IFT43: variants seen among roughly 807,000 people sequenced by gnomAD.
IFT43 encodes intraflagellar transport protein 43 homolog.
IFT43 carries 33 observed loss-of-function variants against 32.3 expected under a neutral mutation model. That is an observed-to-expected ratio of 1.02 (90% CI 0.77 to 1.37). The LOEUF (loss-of-function observed/expected upper bound fraction) is 1.37, where lower values mean the gene tolerates loss of function less well. Among genes scored for constraint, IFT43 ranks in the 40% most tolerant of loss-of-function variants. The pLI is 0.00. For missense variants in IFT43, 274 were observed against 265.9 expected, an observed-to-expected ratio of 1.03 and a Z score of -0.21; for synonymous variants, 93 against 98.2, an observed-to-expected ratio of 0.95 and a Z score of 0.31.
At chr14:76,075,304 A>G (rs1344184139) in intron 5 of IFT43, among the ~76,000 whole-genome samples, 1 of 152,164 alleles carries the variant, frequency 6.6e-6, no homozygotes, top group African/African-American at 2.4e-5. Flanking sequence ...ATCACAAGGG[A>G]CACATCTTCA....
chr14:76,077,544 G>C (rs2037433049), intron 5 of IFT43, among the ~76,000 whole-genome samples: 2 of 152,154 alleles, frequency 1.3e-5, no homozygotes, highest in African/African-American at 4.8e-5. Flanking sequence ...CCATCCAGGG[G>C]GCAGACTTGG....
At chr14:76,028,687 A>G (rs1227850538) in intron 3 of IFT43, among the ~76,000 whole-genome samples, 3 of 152,142 alleles carry the variant, frequency 2.0e-5, no homozygotes, top group East Asian at 1.9e-4. Context: ...TTTAGCTCCT[A>G]CTTATAAGTG....
intron 3 of IFT43, among the ~76,000 whole-genome samples, chr14:76,036,179 A>G (rs1009144947): frequency 6.6e-6 from 1 of 152,206 alleles, no homozygotes; most frequent in Non-Finnish European, 1.5e-5. Flanking sequence ...ATTAGGATGC[A>G]TATCAAAATT....
chr14:76,055,246 T>A (rs990995781), intron 3 of IFT43, among the ~76,000 whole-genome samples: 2 of 151,626 alleles, frequency 1.3e-5, no homozygotes, highest in Non-Finnish European at 2.9e-5. Context: ...CTCAGGAGGC[T>A]GAGGTGGGAG....
At chr14:76,064,635 G>C (rs931935686) in intron 5 of IFT43, among the ~76,000 whole-genome samples, 1 of 152,202 alleles carries the variant, frequency 6.6e-6, no homozygotes. Flanking sequence ...TAAAGGGCAA[G>C]TTATTTCCTG....
At position 76,054,076 on chromosome 14, in the gene IFT43, A is replaced by G. The variant is rs1046495158; in HGVS notation, c.216-4566A>G. On this transcript the variant is annotated intron_variant, in intron 3 of 8. Coordinates refer to ENST00000314067, the MANE Select transcript of IFT43 (RefSeq NM_001102564.3). ...TAAGTTTCAGTTTTGCTGCTTAGCAACTGGAGTATTCAGCTGAATGTCTCA... is the reference window on the plus strand; with the variant it reads ...TAAGTTTCAGTTTTGCTGCTTAGCAGCTGGAGTATTCAGCTGAATGTCTCA... 2.0e-5 allele frequency among the ~76,000 whole-genome samples: 3 copies of G among 152,184 alleles called. No homozygotes were observed. In the East Asian group the frequency reaches 5.8e-4, roughly 29 times the overall value.
intron 2 of IFT43, among the ~76,000 whole-genome samples, chr14:76,015,448 T>G (rs1464632602): frequency 2.0e-5 from 3 of 152,210 alleles, no homozygotes; most frequent in African/African-American, 7.2e-5. Context: ...GGGATTTCTT[T>G]GCAATTTTTT....
At position 76,082,370 on chromosome 14, in the gene IFT43, A is replaced by G; in HGVS notation, c.368+3A>G. ...TTGCAGGTGGCAGCCCCTCCCAGGT[A>G]GGTTAAATCAGATATGATTGGGGAG... On this transcript the variant is annotated splice_donor_region_variant and intron_variant, in intron 6 of 8. Transcript: ENST00000314067. 1 of 1,568,086 alleles carries G rather than the reference A, an allele frequency of 6.4e-7. No individual in the cohort carries two copies. The highest frequency in any genetic ancestry group is 1.1e-5 in the South Asian group (1 of 90,120).
intron 5 of IFT43, among the ~76,000 whole-genome samples, chr14:76,064,769 C>A (rs1594857853): frequency 6.6e-6 from 1 of 152,158 alleles, no homozygotes; most frequent in Admixed American, 6.5e-5. Context: ...TTTTAGAGTT[C>A]TTTGGCAGAA....
rs117662579 is a variant in IFT43 at position 76,076,203 on chromosome 14, A to C, written c.296-6092A>C. ...TTGCCTTTGGAAGCTCACTGAGTAA[A>C]TGGAGTGGGGTGGTGTCATCATTAA... On this transcript the variant is annotated intron_variant, in intron 5 of 8. Transcript: ENST00000314067. 3.3e-3 allele frequency among the ~76,000 whole-genome samples: 500 copies of C among 152,310 alleles called. 2 individuals are homozygous for C. The highest frequency in any genetic ancestry group is 6.8e-3 in the Middle Eastern group (2 of 294).
At chr14:76,036,550 G>C (rs567479765) in intron 3 of IFT43, among the ~76,000 whole-genome samples, 2 of 151,324 alleles carry the variant, frequency 1.3e-5, no homozygotes, top group African/African-American at 4.9e-5. Flanking sequence ...AACTACAGGC[G>C]CGCGCCACCA....
At chr14:76,069,314 C>T (rs936871935) in intron 5 of IFT43, among the ~76,000 whole-genome samples, 5 of 152,082 alleles carry the variant, frequency 3.3e-5, no homozygotes, top group African/African-American at 9.7e-5. Context: ...GAGGGAAAGC[C>T]GCTCTGGAGA....
intron 3 of IFT43, among the ~76,000 whole-genome samples, chr14:76,029,895 T>TATTTTATTTTATTTTATTTG (rs2036476205): frequency 7.0e-6 from 1 of 143,714 alleles, no homozygotes; most frequent in African/African-American, 2.8e-5. Context: ...TATTTTATTT[T>TATTTTATTTTATTTTATTTG]ATTTGAGACA....
At chr14:76,066,826 G>A (rs1383186926) in intron 5 of IFT43, among the ~76,000 whole-genome samples, 1 of 152,204 alleles carries the variant, frequency 6.6e-6, no homozygotes, top group Non-Finnish European at 1.5e-5. Flanking sequence ...AGGACAAGGT[G>A]TGAATATTAA....
At chr14:75,999,244 T>TA (rs2035810964) in intron 2 of IFT43, among the ~76,000 whole-genome samples, 2 of 11,976 alleles carry the variant, frequency 1.7e-4, no homozygotes, top group Admixed American at 1.1e-3. Flanking sequence ...TATATATATA[T>TA]ATATATATAT....
intron 4 of IFT43, 105 bp downstream of exon 4, chr14:76,058,779 AG>A (rs1183149127): frequency 1.3e-6 from 2 of 1,598,178 alleles, no homozygotes; most frequent in Admixed American, 3.4e-5. Context: ...ACACTGTGTT[AG>A]AAGTCTGGGG....
At chr14:76,030,746 G>T (rs2036495371) in intron 3 of IFT43, among the ~76,000 whole-genome samples, 2 of 152,094 alleles carry the variant, frequency 1.3e-5, no homozygotes, top group Admixed American at 1.3e-4. Context: ...TACAGGTTAA[G>T]ATATCAATTT....
At chr14:75,995,121 G>A (rs1490343274) in intron 2 of IFT43, among the ~76,000 whole-genome samples, 3 of 152,190 alleles carry the variant, frequency 2.0e-5, no homozygotes, top group African/African-American at 4.8e-5. Flanking sequence ...AGCTCTTGAA[G>A]TAGGTACTCT....
chr14:76,066,915 C>T (rs113001297), intron 5 of IFT43, among the ~76,000 whole-genome samples: 83 of 152,322 alleles, frequency 5.4e-4, no homozygotes, highest in African/African-American at 1.9e-3. Context: ...GGAGATTAGA[C>T]TTTATTGAGG....
Sources: gnomAD v4.1 joint callset for allele counts (sites outside exome capture counted in the v4.1 genomes callset) on GRCh38, gnomAD v4.1.1 for gene constraint, MANE v1.5 for transcripts, NCBI Gene and HGNC (gene_info 2026-07-23, HGNC 2026-07-21) for gene names.